Variants in METTL21A observed in about 807,000 individuals in gnomAD.
The protein encoded by METTL21A is methyltransferase 21A, HSPA lysine.
A neutral mutation model predicts 20.9 loss-of-function variants in METTL21A; 22 were observed. The ratio of observed to expected loss-of-function variants is 1.05; its 90% confidence interval spans 0.75 to 1.50. The LOEUF is 1.50. METTL21A is among the 40% of genes most tolerant of loss of function. The pLI, the probability that METTL21A is intolerant of heterozygous loss-of-function variation, is 0.00. For synonymous variants in METTL21A, 93 were observed against 102.0 expected (o/e 0.91, Z 0.53); for missense variants, 271 against 266.8 (o/e 1.02, Z -0.11).
At chr2:207,608,077 G>T (rs2088419303), downstream of METTL21A, among the ~76,000 whole-genome samples, 1 of 152,120 alleles carries the variant, frequency 6.6e-6, no homozygotes, top group East Asian at 1.9e-4. Context: ...ATTGTCTTCA[G>T]CCTCAGGTTA....
downstream of METTL21A, among the ~76,000 whole-genome samples, chr2:207,605,993 C>G (rs1409375677): frequency 6.6e-6 from 1 of 152,178 alleles, no homozygotes; most frequent in Admixed American, 6.5e-5. Flanking sequence ...CACAGACTTT[C>G]ATAAGGCTTT....
intron 3 of METTL21A, among the ~76,000 whole-genome samples, chr2:207,587,203 C>A (rs1265793539): frequency 6.6e-6 from 1 of 152,090 alleles, no homozygotes; most frequent in Non-Finnish European, 1.5e-5. Context: ...ACCATCCTGG[C>A]TAACACGGTG....
chr2:207,604,010 T>C (rs900880192), intron 3 of METTL21A, among the ~76,000 whole-genome samples: 1 of 152,222 alleles, frequency 6.6e-6, no homozygotes, highest in Non-Finnish European at 1.5e-5. Flanking sequence ...GAATTTCATT[T>C]ATTTTCTGCA....
intron 3 of METTL21A, among the ~76,000 whole-genome samples, chr2:207,619,614 A>G (rs1327508927): frequency 6.6e-6 from 1 of 152,224 alleles, no homozygotes; most frequent in African/African-American, 2.4e-5. Flanking sequence ...ATACGCAGAC[A>G]TATATATTTA....
intron 3 of METTL21A, among the ~76,000 whole-genome samples, chr2:207,583,097 C>A (rs960161493): frequency 6.6e-6 from 1 of 151,906 alleles, no homozygotes; most frequent in Non-Finnish European, 1.5e-5. Flanking sequence ...CAACTATTTA[C>A]ATAGTATTTA....
chr2:207,613,788 A>T (rs2089308503), intron 3 of METTL21A, among the ~76,000 whole-genome samples: 1 of 152,322 alleles, frequency 6.6e-6, no homozygotes, highest in South Asian at 2.1e-4. Flanking sequence ...GTTGGAGACC[A>T]GCCTGGCCAA....
At chr2:207,592,817 G>T (rs532131923) in intron 3 of METTL21A, among the ~76,000 whole-genome samples, 15 of 152,002 alleles carry the variant, frequency 9.9e-5, no homozygotes, top group African/African-American at 3.4e-4. Flanking sequence ...TGAGGCTGAG[G>T]CAAGGGAATT....
At chr2:207,584,078 C>T (rs2083395178) in intron 3 of METTL21A, among the ~76,000 whole-genome samples, 1 of 152,170 alleles carries the variant, frequency 6.6e-6, no homozygotes, top group Admixed American at 6.5e-5. Flanking sequence ...CTTTGAATTT[C>T]ATCCCAGTTA....
exon 1 of METTL21A, chr2:207,625,362 G>A (rs1184972493): frequency 1.3e-5 from 2 of 152,072 alleles, no homozygotes; most frequent in Admixed American, 6.5e-5. Context: ...CGACGCGGGG[G>A]CGGGCGGCCC....
intron 1 of METTL21A, 136 bp from the exon 2 acceptor site, chr2:207,624,540 A>T: frequency 1.3e-6 from 1 of 741,006 alleles, no homozygotes; most frequent in Non-Finnish European, 2.0e-6. Flanking sequence ...CCTTTGTCCA[A>T]TTTCTTTTGC....
chr2:207,625,235 G>A (rs2090992429), intron 1 of METTL21A: 1 of 152,218 alleles, frequency 6.6e-6, no homozygotes, highest in African/African-American at 2.4e-5. Context: ...CGCCCAGGCC[G>A]GGCTGAGGCG....
intron 3 of METTL21A, chr2:207,600,822 A>G (rs114892556): frequency 0.014 from 2,935 of 207,608 alleles, 34 homozygotes; most frequent in Admixed American, 0.021. Context: ...TATCATTTCT[A>G]CCTTTTGGGG....
In METTL21A at chr2:207,589,149, G is replaced by T. The variant is rs1288293619; in HGVS notation, c.260-6989C>A. On this transcript the variant is annotated intron_variant, in intron 3 of 3. Transcript: ENST00000425132. ...ACTTACTGGCTTAAACAACACAAAT[G>T]TATTGTTTTCCAGTTCTATAAGATC... Among the ~76,000 whole-genome samples the T allele has an allele frequency of 2.0e-5, 3 of 152,082 alleles. No homozygotes were observed. In the East Asian group the frequency reaches 5.8e-4, roughly 29 times the overall value.
chr2:207,623,048 C>T (rs144902059), intron 2 of METTL21A, among the ~76,000 whole-genome samples: 3 of 152,196 alleles, frequency 2.0e-5, no homozygotes, highest in East Asian at 3.9e-4. Flanking sequence ...GCTAGGACTA[C>T]AGGTGTGCGC....
At chr2:207,622,961 G>A (rs991492877) in intron 2 of METTL21A, among the ~76,000 whole-genome samples, 8 of 149,234 alleles carry the variant, frequency 5.4e-5, no homozygotes, top group African/African-American at 1.2e-4. Context: ...AGGATGTAGT[G>A]CAGTGGTGCA....
At chr2:207,623,629 A>C (rs1482789622) in intron 2 of METTL21A, among the ~76,000 whole-genome samples, 1 of 152,186 alleles carries the variant, frequency 6.6e-6, no homozygotes, top group Non-Finnish European at 1.5e-5. Flanking sequence ...AGGCAGGTGG[A>C]TCACTTGAGG....
downstream of METTL21A, chr2:207,612,670 A>T (rs2089134293): frequency 6.1e-6 from 1 of 163,470 alleles, no homozygotes; most frequent in Non-Finnish European, 1.3e-5. Flanking sequence ...ACAAGGTTTT[A>T]AAAATAATTT....
downstream of METTL21A, among the ~76,000 whole-genome samples, chr2:207,605,210 C>A (rs929102023): frequency 1.3e-5 from 2 of 152,218 alleles, no homozygotes; most frequent in East Asian, 3.8e-4. Context: ...TCCAATTTCT[C>A]CACACCTTCA....
rs141561134 is a variant in METTL21A, at chr2:207,613,519, T to C, written c.260-76A>G. 5.1e-3 allele frequency: 6,822 copies of C among 1,349,146 alleles called. 30 individuals carry two copies. The highest frequency in any genetic ancestry group is 8.5e-3 in the Admixed American group (358 of 42,320). The allele number at this position is 1,349,146 out of a possible 1,614,324, so 83.6% of individuals were successfully genotyped here. A position where few individuals can be genotyped will look rare whatever the true frequency, so the allele number is the denominator to read the frequency against. On this transcript the variant is annotated intron_variant, in intron 3 of 3. Transcript: ENST00000406927. The stretch of plus-strand genomic sequence containing the variant: ...TAGGTAGAGAGGGGGTCAAGTTAAA[T>C]GTAGAGTGTCTCTTAAATATTGCAT...
Sources: gnomAD v4.1 joint callset for allele counts (sites outside exome capture counted in the v4.1 genomes callset) on GRCh38, gnomAD v4.1.1 for gene constraint, MANE v1.5 for transcripts, NCBI Gene and HGNC (gene_info 2026-07-23, HGNC 2026-07-21) for gene names.